Variants in RB1CC1 observed in about 807,000 individuals in gnomAD.
The protein encoded by RB1CC1 is RB1-inducible coiled-coil protein 1.
Under a neutral mutation model 177.5 loss-of-function variants are expected in RB1CC1, and 46 were observed. The ratio of observed to expected loss-of-function variants is 0.26; its 90% confidence interval spans 0.20 to 0.33. The LOEUF (loss-of-function observed/expected upper bound fraction) is 0.33, where lower values mean the gene tolerates loss of function less well. RB1CC1 is among the 10% of genes least tolerant of loss of function. The pLI is 1.00. For missense variants in RB1CC1, 1,703 were observed against 1,816.3 expected (o/e 0.94, Z 1.13); for synonymous variants, 666 against 613.6 (o/e 1.09, Z -1.26).
At chr8:52,699,858 T>TATATATATATATACACAC (rs756226534) in intron 1 of RB1CC1, among the ~76,000 whole-genome samples, 8 of 102,818 alleles carry the variant, frequency 7.8e-5, no homozygotes, top group African/African-American at 3.3e-4. Flanking sequence ...TATATATATA[T>TATATATATATATACACAC]ACACACAAAA....
chr8:52,689,345 G>A (rs191954792), intron 1 of RB1CC1, among the ~76,000 whole-genome samples: 76 of 152,138 alleles, frequency 5.0e-4, no homozygotes, highest in East Asian at 3.1e-3. Flanking sequence ...TTAATGACAC[G>A]ATATCCCTAT....
Position 52,656,942 on chromosome 8 carries a change from T to C in RB1CC1, c.2887A>G (p.Lys963Glu). The C allele has an allele frequency of 1.2e-6, 2 of 1,613,502 alleles. No individual in the cohort carries two copies. Among genetic ancestry groups the C allele is most frequent in the Non-Finnish European group, 1.7e-6 (2 of 1,179,946 alleles). Residue 963 changes from lysine to glutamate, a missense_variant, in exon 15 of 24, where the codon AAA becomes GAA. By Grantham distance (56) the Lys-to-Glu change is moderately conservative. Around this residue, in one of 6 missense-constraint regions of RB1CC1, gnomAD observed 1,169 missense variants for 1,184.7 expected, o/e 0.99. Transcript: ENST00000025008. ...TCATCATTTTCAACATGGAGCTTTT[T>C]TAAGTCTTCTAACACTATTTCTCGT... ...QSREIVLEDL[K>E]KLHVENDEKL...
At chr8:52,676,619 G>A (rs752568615) in intron 5 of RB1CC1, 48 bp from the exon 6 acceptor site, 22 of 1,483,098 alleles carry the variant, frequency 1.5e-5, no homozygotes, top group Middle Eastern at 3.5e-4. Context: ...GCAATGGTTT[G>A]TTTGCAGAAG....
At chr8:52,670,971 G>A (rs550597396) in intron 7 of RB1CC1, among the ~76,000 whole-genome samples, 84 of 149,010 alleles carry the variant, frequency 5.6e-4, no homozygotes, top group Middle Eastern at 3.5e-3. Flanking sequence ...AAAAAAAAGA[G>A]TCTTTTTAGC....
chr8:52,707,563 T>A (rs1856693467), intron 1 of RB1CC1, among the ~76,000 whole-genome samples: 1 of 151,864 alleles, frequency 6.6e-6, no homozygotes, highest in African/African-American at 2.4e-5. Context: ...TAACCCTTAC[T>A]TAGGAAACTG....
intron 23 of RB1CC1, 55 bp from the exon 24 acceptor site, chr8:52,623,914 T>A: frequency 1.8e-6 from 2 of 1,127,078 alleles, no homozygotes; most frequent in Non-Finnish European, 1.3e-6. Context: ...CATCTCTCTC[T>A]CTCACACACA....
chr8:52,629,128 C>T (rs1452533221), intron 21 of RB1CC1, among the ~76,000 whole-genome samples: 1 of 152,088 alleles, frequency 6.6e-6, no homozygotes, highest in African/African-American at 2.4e-5. Flanking sequence ...TACCACTAAG[C>T]CCTTTCAAAT....
At chr8:52,625,478 G>T (rs1848321046) in intron 22 of RB1CC1, among the ~76,000 whole-genome samples, 1 of 152,146 alleles carries the variant, frequency 6.6e-6, no homozygotes, top group Admixed American at 6.6e-5. Context: ...CAGAAAAGAA[G>T]CTGTCTTATT....
intron 15 of RB1CC1, among the ~76,000 whole-genome samples, chr8:52,655,677 G>A (rs1225106333): frequency 2.0e-5 from 3 of 151,796 alleles, no homozygotes; most frequent in Non-Finnish European, 4.4e-5. Flanking sequence ...TTCTACTGAA[G>A]AGTTTAGAAA....
intron 7 of RB1CC1, among the ~76,000 whole-genome samples, chr8:52,671,309 A>T (rs1349993643): frequency 6.6e-6 from 1 of 152,264 alleles, no homozygotes; most frequent in Admixed American, 6.5e-5. Flanking sequence ...AATTGGAATT[A>T]ATCTGCAAAA....
At chr8:52,658,807 C>T in intron 13 of RB1CC1, 66 bp downstream of exon 13, 1 of 1,164,774 alleles carries the variant, frequency 8.6e-7, no homozygotes, top group Non-Finnish European at 1.2e-6. Context: ...TACTACCTGG[C>T]ACAACTCCAG....
intron 15 of RB1CC1, among the ~76,000 whole-genome samples, chr8:52,648,986 G>A (rs758997771): frequency 6.6e-6 from 1 of 152,208 alleles, no homozygotes; most frequent in African/African-American, 2.4e-5. Flanking sequence ...AATGTGTGGA[G>A]AGTGCCCACA....
At chr8:52,703,125 A>G (rs1224405709) in intron 1 of RB1CC1, among the ~76,000 whole-genome samples, 1 of 152,162 alleles carries the variant, frequency 6.6e-6, no homozygotes, top group Non-Finnish European at 1.5e-5. Flanking sequence ...ATTAAAAAAA[A>G]AAAAGTAATC....
chr8:52,657,131 C>T lies in RB1CC1; in HGVS notation c.2698G>A (p.Val900Ile), dbSNP rs1851152758. The part of the protein sequence containing the change: ...NKIKKLKGEL[V>I]CLEEVLQNKD... ...TTTTGTAAAACCTCCTCAAGGCATA[C>T]TAACTCTCCCTTCAATTTTTTAATT... is the stretch of plus-strand genomic sequence containing the variant. Residue 900 changes from valine (V) to isoleucine (I), a missense_variant, in exon 15 of 24, where the codon GTA (valine) becomes ATA (isoleucine). Val to Ile is a conservative substitution (Grantham distance 29). Coordinates refer to ENST00000025008, the MANE Select transcript of RB1CC1 (RefSeq NM_014781.5). The T allele has an allele frequency of 3.7e-6, 6 of 1,610,928 alleles. No individual in the cohort carries two copies. The South Asian group carries it at 5.5e-5, about 15-fold the overall frequency.
At chr8:52,628,405 A>G (rs1848540011) in intron 21 of RB1CC1, among the ~76,000 whole-genome samples, 1 of 152,216 alleles carries the variant, frequency 6.6e-6, no homozygotes, top group Admixed American at 6.5e-5. Context: ...TTTCTTTAAT[A>G]AAGTTTCCAT....
chr8:52,626,984 G>GT (rs1848442447), intron 22 of RB1CC1, among the ~76,000 whole-genome samples: 2 of 152,070 alleles, frequency 1.3e-5, no homozygotes, highest in African/African-American at 4.8e-5. Flanking sequence ...GGGCCCAGGA[G>GT]TTCAAGGCTA....
At chr8:52,641,710 C>T (rs1009687217) in intron 18 of RB1CC1, among the ~76,000 whole-genome samples, 4 of 152,072 alleles carry the variant, frequency 2.6e-5, no homozygotes, top group Admixed American at 2.6e-4. Context: ...ACTTTCTGCC[C>T]TTGGAATCTC....
At position 52,671,525 on chromosome 8, in the gene RB1CC1, TTA is replaced by T. The variant is rs1271114527; in HGVS notation, c.1002+2318_1002+2319del. Among the ~76,000 whole-genome samples the T allele has an allele frequency of 7.9e-5, 12 of 152,314 alleles. No individual in the cohort carries two copies. In the East Asian group the frequency reaches 2.3e-3, roughly 29 times the overall value. On this transcript the variant is annotated intron_variant, in intron 7 of 23. Transcript: ENST00000025008. Reference sequence around the variant, plus strand: ...TTCATCTTCAGAAATGCCCCTAGTCTTATCAAGAAAAAGTATAGTACTCCTGA... The same window carrying T: ...TTCATCTTCAGAAATGCCCCTAGTCTTCAAGAAAAAGTATAGTACTCCTGA...
chr8:52,654,346 G>T (rs1391977553), intron 15 of RB1CC1, among the ~76,000 whole-genome samples: 1 of 152,200 alleles, frequency 6.6e-6, no homozygotes, highest in Non-Finnish European at 1.5e-5. Flanking sequence ...ATAGCTTCCA[G>T]TTTGCCAATG....
Sources: allele counts gnomAD v4.1 joint callset (sites outside exome capture counted in the v4.1 genomes callset), GRCh38; gene constraint gnomAD v4.1.1; regional missense constraint gnomAD v4.1.1; transcripts MANE v1.5; gene names NCBI Gene and HGNC (gene_info 2026-07-23, HGNC 2026-07-21).